The following CDH5 variants were observed in gnomAD, a reference collection of about 807,000 sequenced individuals.
CDH5 encodes cadherin-5.
A neutral mutation model predicts 62.0 loss-of-function variants in CDH5; 28 were observed. The observed-to-expected ratio is 0.45, with a 90% CI of 0.33 to 0.62. CDH5 has a LOEUF of 0.62. CDH5 is among the 20% of genes least tolerant of loss of function. CDH5 has a pLI of 0.02. For missense variants in CDH5, 940 were observed against 1,065.1 expected (o/e 0.88, Z 1.63); for synonymous variants, 464 against 445.8 (o/e 1.04, Z -0.52).
intron 6 of CDH5, 105 bp downstream of exon 6, chr16:66,390,695 A>G (rs1176224393): frequency 9.5e-7 from 1 of 1,055,858 alleles, no homozygotes; most frequent in Middle Eastern, 3.0e-4. Context: ...TCAAAGGACC[A>G]TCAAAGCTCC....
intron 1 of CDH5, among the ~76,000 whole-genome samples, chr16:66,375,463 G>C (rs1410398895): frequency 6.6e-6 from 1 of 152,086 alleles, no homozygotes; most frequent in African/African-American, 2.4e-5. Flanking sequence ...CCAGGAGTTT[G>C]AGGCTGCAGT....
At chr16:66,398,148 G>A in intron 9 of CDH5, 42 bp downstream of exon 9, 21 of 1,612,050 alleles carry the variant, frequency 1.3e-5, no homozygotes, top group Non-Finnish European at 1.7e-5. Context: ...GCACCACCCT[G>A]GGGCAGGCTG....
At position 66,400,815 on chromosome 16, in the gene CDH5, G is replaced by A. The variant is rs374252965; in HGVS notation, c.1636G>A (p.Glu546Lys). ...AGTCAAGTATGGGCAGTTTGACCGG[G>A]AGCATACCAAGGTCCACTTCCTACC... ...ITVKYGQFDR[E>K]HTKVHFLPVV... Residue 546 changes from glutamate (E) to lysine (K), a missense_variant, in exon 11 of 12, where the codon GAG (glutamate) becomes AAG (lysine). By Grantham distance (56) the Glu-to-Lys change is moderately conservative (BLOSUM62 1). Coordinates refer to ENST00000341529, the MANE Select transcript of CDH5 (RefSeq NM_001795.5). 4 of 1,614,092 alleles carry A rather than the reference G, an allele frequency of 2.5e-6. No individual in the cohort carries two copies. In the African/African-American group the frequency reaches 5.3e-5, roughly 22 times the overall value.
chr16:66,380,167 G>A (rs1174354523), intron 2 of CDH5, among the ~76,000 whole-genome samples: 1 of 62,532 alleles, frequency 1.6e-5, no homozygotes, highest in Non-Finnish European at 2.9e-5. Context: ...TGGTGATCAC[G>A]GTGATGGTGG....
chr16:66,379,353 A>G lies in CDH5; in HGVS notation c.16A>G (p.Met6Val), dbSNP rs113879206. The change falls in exon 2 of 12, where the codon ATG becomes GTG. Residue 6 changes from methionine (M) to valine (V), a missense_variant. Met to Val is a conservative substitution (Grantham distance 21). Coordinates refer to ENST00000341529, the MANE Select transcript of CDH5 (RefSeq NM_001795.5). ...TCCTGGGAAGATGCAGAGGCTCATG[A>G]TGCTCCTCGCCACATCGGGCGCCTG... MQRLMMLLATSGACLG... is the reference protein window; with the variant it reads MQRLMVLLATSGACLG... The G allele has an allele frequency of 1.1e-4, 184 of 1,610,974 alleles. No individual in the cohort carries two copies. In the African/African-American group the frequency reaches 2.2e-3, roughly 19 times the overall value.
At position 66,383,684 on chromosome 16, in the gene CDH5, G is replaced by C. The variant is rs537498492; in HGVS notation, c.211-3125G>C. ...GCAGGTCACAGGTTACAGAGCTGAG[G>C]CATGGCTTCTTGCCTCTAGTCCAGC... On this transcript the variant is annotated intron_variant, in intron 2 of 11. Coordinates refer to ENST00000341529, the MANE Select transcript of CDH5 (RefSeq NM_001795.5). 3.3e-5 allele frequency among the ~76,000 whole-genome samples: 5 copies of C among 152,252 alleles called. No homozygotes were observed. In the East Asian group the frequency reaches 9.7e-4, roughly 29 times the overall value.
intron 2 of CDH5, among the ~76,000 whole-genome samples, chr16:66,384,647 C>T (rs866497546): frequency 1.1e-4 from 13 of 120,560 alleles, no homozygotes; most frequent in Middle Eastern, 6.5e-3. Flanking sequence ...CCAGCTACTC[C>T]GGAGTACCTG....
chr16:66,393,522 T>C (rs1248541055), intron 7 of CDH5, among the ~76,000 whole-genome samples: 1 of 152,180 alleles, frequency 6.6e-6, no homozygotes, highest in East Asian at 1.9e-4. Context: ...GATAACTCAC[T>C]AGCTTGAGAA....
At chr16:66,390,289 ATTATT>A in intron 5 of CDH5, 109 bp from the exon 6 acceptor site, 1 of 771,164 alleles carries the variant, frequency 1.3e-6, no homozygotes, top group Non-Finnish European at 2.0e-6. Context: ...ATTATTTATG[ATTATT>A]TTATTATGCC....
At chr16:66,385,686 T>G (rs988974250) in intron 2 of CDH5, among the ~76,000 whole-genome samples, 1 of 152,184 alleles carries the variant, frequency 6.6e-6, no homozygotes, top group Non-Finnish European at 1.5e-5. Flanking sequence ...CATGAGCACA[T>G]CATTATGTAG....
intron 7 of CDH5, 153 bp from the exon 8 acceptor site, chr16:66,395,906 C>T: frequency 1.5e-6 from 1 of 689,030 alleles, no homozygotes; most frequent in Admixed American, 3.0e-5. Flanking sequence ...TGTAGGTCCA[C>T]TCTTGTCTGA....
chr16:66,397,546 T>G (rs1961207571), intron 8 of CDH5, among the ~76,000 whole-genome samples: 1 of 152,122 alleles, frequency 6.6e-6, no homozygotes, highest in Admixed American at 6.6e-5. Flanking sequence ...ATTATATGTT[T>G]AAGATGTAAG....
intron 10 of CDH5, among the ~76,000 whole-genome samples, chr16:66,399,894 A>C (rs1037573627): frequency 2.0e-5 from 3 of 152,268 alleles, no homozygotes; most frequent in African/African-American, 7.2e-5. Flanking sequence ...ATAATGAAAT[A>C]TAATTGGCTT....
intron 1 of CDH5, among the ~76,000 whole-genome samples, chr16:66,368,221 AC>A (rs921280042): frequency 1.1e-4 from 16 of 152,162 alleles, no homozygotes; most frequent in African/African-American, 3.9e-4. Context: ...GCCACAGGCC[AC>A]TGGAGCCAGG....
intron 7 of CDH5, among the ~76,000 whole-genome samples, chr16:66,394,388 A>T (rs1343871044): frequency 6.6e-6 from 1 of 152,152 alleles, no homozygotes; most frequent in African/African-American, 2.4e-5. Flanking sequence ...ACAAGAATGC[A>T]TTTGGCTTTG....
chr16:66,396,333 T>G (rs762435005), intron 8 of CDH5, 132 bp downstream of exon 8: 3 of 1,053,540 alleles, frequency 2.8e-6, no homozygotes, highest in South Asian at 1.4e-5. Flanking sequence ...CTGGTTGGGA[T>G]GCTATAGAGC....
intron 2 of CDH5, among the ~76,000 whole-genome samples, chr16:66,382,066 C>T (rs376595220): frequency 1.3e-5 from 2 of 152,240 alleles, no homozygotes; most frequent in African/African-American, 4.8e-5. Flanking sequence ...ACCAGAAATG[C>T]CCCAGCAGAC....
intron 1 of CDH5, among the ~76,000 whole-genome samples, chr16:66,370,293 A>G (rs11646157): frequency 0.62 from 94,568 of 151,868 alleles, 31,653 homozygotes; most frequent in African/African-American, 0.89. Flanking sequence ...GAGCCACCAC[A>G]CCTGGCCAGG....
chr16:66,380,401 G>A (rs1960874531), intron 2 of CDH5, among the ~76,000 whole-genome samples: 2 of 150,444 alleles, frequency 1.3e-5, no homozygotes, highest in South Asian at 2.1e-4. Context: ...TGGTGATGAT[G>A]GTGGTGCTGA....
Sources: gnomAD v4.1 joint callset for allele counts (sites outside exome capture counted in the v4.1 genomes callset) on GRCh38, gnomAD v4.1.1 for gene constraint, MANE v1.5 for transcripts, NCBI Gene and HGNC (gene_info 2026-07-23, HGNC 2026-07-21) for gene names.